Variants in TAF1B observed in about 807,000 individuals in gnomAD.
TAF1B encodes TATA-box binding protein associated factor, RNA polymerase I subunit B.
In TAF1B, 61 loss-of-function variants were observed where a neutral mutation model predicts 83.9. The observed-to-expected ratio is 0.73, with a 90% CI of 0.59 to 0.90. The LOEUF (loss-of-function observed/expected upper bound fraction) is 0.90, where lower values mean the gene tolerates loss of function less well. TAF1B is among the 40% of genes least tolerant of loss of function. The pLI is 0.00. For synonymous variants in TAF1B, 221 were observed against 224.6 expected (o/e 0.98, Z 0.14); for missense variants, 625 against 677.0 (o/e 0.92, Z 0.85).
At chr2:9,867,332 TAACCTGTGGG>T (rs1664017436) in intron 5 of TAF1B, among the ~76,000 whole-genome samples, 3 of 152,184 alleles carry the variant, frequency 2.0e-5, no homozygotes, top group Non-Finnish European at 4.4e-5. Flanking sequence ...CTGGCAGTGG[TAACCTGTGGG>T]AACCTGTGGA....
At position 9,914,804 on chromosome 2, in the gene TAF1B, G is replaced by A. The variant is rs977771471; in HGVS notation, c.1271+1555G>A. Among the ~76,000 whole-genome samples the A allele has an allele frequency of 1.3e-5, 2 of 152,134 alleles. No homozygotes were observed. The highest frequency in any genetic ancestry group is 2.9e-5 in the Non-Finnish European group (2 of 68,034). ...GTATGTGCTGAGGGCTGACACACAC[G>A]TGCAGTGTGAGTCACTGCTGAGTAA... On this transcript the variant is annotated intron_variant, in intron 12 of 14. Coordinates refer to ENST00000263663, the MANE Select transcript of TAF1B (RefSeq NM_005680.3). This position sits in a 1 kb window ranked among gnomAD's most constrained non-coding sequence, Gnocchi z 4.3.
intron 8 of TAF1B, 150 bp from the exon 9 acceptor site, chr2:9,904,709 C>T: frequency 1.4e-6 from 1 of 689,812 alleles, no homozygotes; most frequent in South Asian, 2.0e-5. Flanking sequence ...TTCCTGCCAG[C>T]AGTGCATAAG....
chr2:9,850,592 G>C (rs566627133), intron 3 of TAF1B, among the ~76,000 whole-genome samples: 1 of 152,320 alleles, frequency 6.6e-6, no homozygotes, highest in East Asian at 1.9e-4. Context: ...AGGTAAGGGA[G>C]AAGAGTTGAA....
chr2:9,927,681 GTC>G (rs1257109649), intron 14 of TAF1B, among the ~76,000 whole-genome samples: 1 of 152,206 alleles, frequency 6.6e-6, no homozygotes, highest in African/African-American at 2.4e-5. Flanking sequence ...TTTGAGAAGT[GTC>G]TGTTCATATC....
chr2:9,933,217 G>A (rs1024279518), intron 14 of TAF1B, among the ~76,000 whole-genome samples: 2 of 152,196 alleles, frequency 1.3e-5, no homozygotes, highest in African/African-American at 2.4e-5. Flanking sequence ...AGCTGGAAAT[G>A]CAGAAATCAC....
At chr2:9,862,401 A>T (rs1663803988) in intron 5 of TAF1B, among the ~76,000 whole-genome samples, 1 of 152,182 alleles carries the variant, frequency 6.6e-6, no homozygotes, top group South Asian at 2.1e-4. Flanking sequence ...GAGAAAAAAG[A>T]ATAAAAGAAA....
At chr2:9,876,611 T>A (rs1468432643) in intron 7 of TAF1B, among the ~76,000 whole-genome samples, 1 of 152,224 alleles carries the variant, frequency 6.6e-6, no homozygotes, top group Non-Finnish European at 1.5e-5. Flanking sequence ...GTGCTGATTT[T>A]TTTCTCCTTG....
At chr2:9,848,219 T>G (rs1469544) in intron 2 of TAF1B, among the ~76,000 whole-genome samples, 27,277 of 152,172 alleles carry the variant, frequency 0.18, 3,105 homozygotes, top group East Asian at 0.3. Context: ...TTTCTGTGAT[T>G]AGAGAGACTA....
At chr2:9,929,227 C>T (rs902158088) in intron 14 of TAF1B, among the ~76,000 whole-genome samples, 2 of 152,118 alleles carry the variant, frequency 1.3e-5, no homozygotes, top group Non-Finnish European at 2.9e-5. Flanking sequence ...GGCACAATCT[C>T]GGCTGACTGC....
At position 9,868,347 on chromosome 2, in the gene TAF1B, T is replaced by C; in HGVS notation, c.471T>C (p.Pro157=). Residue 157 remains proline, a synonymous_variant, in exon 6 of 15, where the codon CCT becomes CCC. Coordinates refer to ENST00000263663, the MANE Select transcript of TAF1B (RefSeq NM_005680.3). ...AGCTGCTAAGTGATGTCAGCTGTCCTCCTTTTCTTGAAAGTGGAGCGGAGT... is the reference window on the plus strand; with the variant it reads ...AGCTGCTAAGTGATGTCAGCTGTCCCCCTTTTCTTGAAAGTGGAGCGGAGT... The part of the protein sequence containing the change: ...EPELLSDVSC[P]PFLESGAESQ... The C allele has an allele frequency of 1.2e-6, 2 of 1,614,198 alleles. No homozygotes were observed. The highest frequency in any genetic ancestry group is 2.7e-5 in the African/African-American group (2 of 75,058).
chr2:9,906,244 G>A (rs1009341871), intron 9 of TAF1B, among the ~76,000 whole-genome samples: 5 of 152,186 alleles, frequency 3.3e-5, no homozygotes, highest in African/African-American at 9.7e-5. Flanking sequence ...ACAGAGAGGG[G>A]ATGATAGGTT....
chr2:9,868,260 A>T lies in TAF1B; in HGVS notation c.400-16A>T, dbSNP rs750435010. 6.2e-7 allele frequency: 1 copy of T among 1,612,844 alleles called. No individual in the cohort carries two copies. The highest frequency in any genetic ancestry group is 8.5e-7 in the Non-Finnish European group (1 of 1,179,276). ...ACTGTTACACAATAATTTTATTTATATTGTTTTGCAAACAGGTATTAGAAG... is the reference window on the plus strand; with the variant it reads ...ACTGTTACACAATAATTTTATTTATTTTGTTTTGCAAACAGGTATTAGAAG... On this transcript the variant is annotated splice_polypyrimidine_tract_variant and intron_variant, in intron 5 of 14. Coordinates refer to ENST00000263663, the MANE Select transcript of TAF1B (RefSeq NM_005680.3).
chr2:9,869,966 C>T (rs528856157), intron 6 of TAF1B, among the ~76,000 whole-genome samples: 36 of 152,252 alleles, frequency 2.4e-4, no homozygotes, highest in African/African-American at 8.4e-4. Flanking sequence ...ACTGTACCAA[C>T]TAGAAATTAC....
intron 5 of TAF1B, among the ~76,000 whole-genome samples, chr2:9,863,861 G>A (rs1313953721): frequency 1.3e-5 from 2 of 152,206 alleles, no homozygotes; most frequent in East Asian, 1.9e-4. Context: ...GGTACATAAC[G>A]AAATGAAGGC....
At chr2:9,883,246 C>G (rs1664568187) in intron 8 of TAF1B, among the ~76,000 whole-genome samples, 1 of 152,126 alleles carries the variant, frequency 6.6e-6, no homozygotes, top group Admixed American at 6.5e-5. Flanking sequence ...TTTTCTAGAT[C>G]TGTTTTCAGA....
chr2:9,865,511 C>G (rs892445422), intron 5 of TAF1B, among the ~76,000 whole-genome samples: 11 of 152,152 alleles, frequency 7.2e-5, no homozygotes, highest in African/African-American at 2.7e-4. Context: ...AATGGCCATA[C>G]TGCCCAAGGT....
At chr2:9,869,431 G>A (rs1209354070) in intron 6 of TAF1B, among the ~76,000 whole-genome samples, 1 of 151,608 alleles carries the variant, frequency 6.6e-6, no homozygotes, top group Non-Finnish European at 1.5e-5. Flanking sequence ...CACCATGTTG[G>A]TCAGACTGGT....
At chr2:9,861,020 G>C (rs1663734897) in intron 5 of TAF1B, among the ~76,000 whole-genome samples, 1 of 152,222 alleles carries the variant, frequency 6.6e-6, no homozygotes, top group South Asian at 2.1e-4. Flanking sequence ...CCCAGCATGA[G>C]CAGCGCAGAA....
At chr2:9,910,539 G>A (rs1012413130) in intron 9 of TAF1B, among the ~76,000 whole-genome samples, 197 bp from the exon 10 acceptor site, 1 of 152,292 alleles carries the variant, frequency 6.6e-6, no homozygotes. Context: ...AGTCGGAATA[G>A]GGAATGATAC....
Sources: allele counts gnomAD v4.1 joint callset (sites outside exome capture counted in the v4.1 genomes callset), GRCh38; gene constraint gnomAD v4.1.1; non-coding constraint Gnocchi (gnomAD v3.1); transcripts MANE v1.5; gene names NCBI Gene and HGNC (gene_info 2026-07-23, HGNC 2026-07-21).